Variants in ATRX observed in about 807,000 individuals in gnomAD.
The protein encoded by ATRX is ATRX chromatin remodeler, also known as chromatin remodeler ATRX.
A neutral mutation model predicts 172.6 loss-of-function variants in ATRX; 12 were observed. That is an observed-to-expected ratio of 0.07 (90% CI 0.04 to 0.11). The LOEUF is 0.11. Ranked by LOEUF, ATRX falls within the 10% of genes least tolerant of loss-of-function variation. ATRX has a pLI of 1.00. For synonymous variants in ATRX, 674 were observed against 594.7 expected (o/e 1.13, Z -1.94); for missense variants, 1,368 against 1,767.4 (o/e 0.77, Z 4.05).
chrX:77,704,491 C>A (rs1557155781), intron 2 of ATRX, among the ~76,000 whole-genome samples: 1 of 111,976 alleles, frequency 8.9e-6, no homozygotes, highest in African/African-American at 3.2e-5. Flanking sequence ...CTTTCCCTGG[C>A]CTGAAGGTGG....
chrX:77,680,769 T>G (rs2071142369), intron 9 of ATRX, among the ~76,000 whole-genome samples: 1 of 111,488 alleles, frequency 9.0e-6, no homozygotes, highest in Non-Finnish European at 1.9e-5. Context: ...AAATGACCAA[T>G]ACACATTTAT....
intron 32 of ATRX, chrX:77,522,029 A>G: frequency 2.7e-6 from 1 of 369,860 alleles, no homozygotes; most frequent in Non-Finnish European, 4.7e-6. Flanking sequence ...TTTCTTAATT[A>G]AAATAATTCA....
chrX:77,708,402 T>C (rs934268125), intron 2 of ATRX, among the ~76,000 whole-genome samples: 1 of 112,505 alleles, frequency 8.9e-6, no homozygotes, highest in Non-Finnish European at 1.9e-5. Flanking sequence ...GGCTCACGCC[T>C]GCAATCCCAG....
intron 25 of ATRX, chrX:77,596,705 G>A (rs1273010708): frequency 9.0e-6 from 1 of 110,605 alleles, no homozygotes; most frequent in Non-Finnish European, 1.9e-5. Context: ...TATGGCATAT[G>A]TAAAAAACGT....
At chrX:77,616,821 CATAA>C (rs782641530) in intron 21 of ATRX, 91 bp from the exon 22 acceptor site, 17 of 641,500 alleles carry the variant, frequency 2.7e-5, no homozygotes, top group South Asian at 2.4e-4. Context: ...GAAATATACA[CATAA>C]ATAAATAGGC....
rs45477297 is a variant in ATRX, at chrX:77,589,530, C to CT, written c.6217+303dup. Among the ~76,000 whole-genome samples, 9 of 111,690 alleles carry CT rather than the reference C, an allele frequency of 8.1e-5. No individual in the cohort carries two copies. In the Admixed American group the frequency reaches 8.6e-4, roughly 11 times the overall value. ...TTTTCTTAAGTTGATATTAGCTGCT[C>CT]TTGTCACCAAAAAAAACTATGTGAG... On this transcript the variant is annotated intron_variant, in intron 27 of 34. Coordinates refer to ENST00000373344, the MANE Select transcript of ATRX (RefSeq NM_000489.6).
At chrX:77,598,547 C>T (rs2066551689) in intron 25 of ATRX, among the ~76,000 whole-genome samples, 1 of 111,971 alleles carries the variant, frequency 8.9e-6, no homozygotes, top group Admixed American at 9.5e-5. Context: ...AGGTGGCCCC[C>T]ACAACTCTCT....
chrX:77,645,229 T>G (rs945118542), intron 15 of ATRX, among the ~76,000 whole-genome samples: 11 of 111,708 alleles, frequency 9.8e-5, no homozygotes, highest in African/African-American at 3.6e-4. Context: ...TACTGTATCC[T>G]CGAACCCCTG....
At chrX:77,549,702 T>A (rs1445635444) in intron 30 of ATRX, among the ~76,000 whole-genome samples, 3 of 112,352 alleles carry the variant, frequency 2.7e-5, no homozygotes, top group Non-Finnish European at 5.6e-5. Flanking sequence ...GCACAGATAC[T>A]TGGTAGAGAT....
chrX:77,627,055 T>G (rs782796531), intron 19 of ATRX, among the ~76,000 whole-genome samples: 205 of 110,321 alleles, frequency 1.9e-3, no homozygotes, highest in African/African-American at 6.6e-3. Context: ...GAAACCCCGT[T>G]TCCACTAAAA....
chrX:77,525,713 G>A (rs181997127), intron 30 of ATRX, among the ~76,000 whole-genome samples: 183 of 111,971 alleles, frequency 1.6e-3, no homozygotes, highest in Non-Finnish European at 2.8e-3. Context: ...ACTTAGTCTA[G>A]CTATGACTGT....
rs571313578 is a variant in ATRX, at chrX:77,683,173, C to G, written c.2083G>C (p.Val695Leu). 3.3e-6 allele frequency: 4 copies of G among 1,208,943 alleles called. No homozygotes were observed. The highest frequency in any genetic ancestry group is 3.5e-5 in the South Asian group (2 of 56,971). ...GAATTACGCTTATCCTTTTTTCTCA[C>G]TGGAACTGATAGTTTTTGTTTCTCC... ...VKEKQKLSVP[V>L]RKKDKRNSSD... The change falls in exon 9 of 35, where the codon GTG becomes CTG. Residue 695 changes from valine to leucine, a missense_variant. Around this residue, in one of 17 missense-constraint regions of ATRX, gnomAD observed 843 missense variants for 643.1 expected, o/e 1.31. Coordinates refer to ENST00000373344, the MANE Select transcript of ATRX (RefSeq NM_000489.6).
At chrX:77,575,726 T>TA (rs1481116820) in intron 27 of ATRX, 1 of 111,798 alleles carries the variant, frequency 8.9e-6, no homozygotes, top group African/African-American at 3.2e-5. Context: ...GGCAAGTAAT[T>TA]AAACTCCTTG....
At chrX:77,629,608 G>A (rs782027466) in intron 19 of ATRX, among the ~76,000 whole-genome samples, 7 of 111,896 alleles carry the variant, frequency 6.3e-5, no homozygotes, top group Admixed American at 2.8e-4. Flanking sequence ...AAACCTAATG[G>A]AGAAACCAGC....
At chrX:77,511,785 A>T (rs917144888) in intron 34 of ATRX, among the ~76,000 whole-genome samples, 2 of 111,655 alleles carry the variant, frequency 1.8e-5, no homozygotes, top group Non-Finnish European at 3.8e-5. Context: ...AGACAAAAGA[A>T]AAAAGAACAA....
At chrX:77,774,444 G>A (rs974263476) in intron 1 of ATRX, among the ~76,000 whole-genome samples, 5 of 111,333 alleles carry the variant, frequency 4.5e-5, no homozygotes, top group Non-Finnish European at 5.7e-5. Context: ...TTGGGAGGCC[G>A]AGGCAGGCGG....
At chrX:77,728,473 T>C (rs189334960) in intron 1 of ATRX, among the ~76,000 whole-genome samples, 1 of 111,932 alleles carries the variant, frequency 8.9e-6, no homozygotes, top group Non-Finnish European at 1.9e-5. Flanking sequence ...ATAGAAACTT[T>C]TGAAATAGTA....
Position 77,628,953 on chromosome X carries a change from G to A in ATRX, c.5134+4254C>T, listed in dbSNP as rs782388510. ...TACTAAGGCTTGGGATAATTGTTAC[G>A]CAGGAAGAGATAACCAGAGCAGCTA... On this transcript the variant is annotated intron_variant, in intron 19 of 34. Coordinates refer to ENST00000373344, the MANE Select transcript of ATRX (RefSeq NM_000489.6). 5.4e-5 allele frequency among the ~76,000 whole-genome samples: 6 copies of A among 112,006 alleles called. No individual in the cohort carries two copies. The South Asian group carries it at 1.9e-3, about 35-fold the overall frequency.
chrX:77,608,990 G>A (rs1557092457), intron 22 of ATRX, among the ~76,000 whole-genome samples: 2 of 111,978 alleles, frequency 1.8e-5, no homozygotes, highest in Non-Finnish European at 3.8e-5. Flanking sequence ...ATAAGAAAAG[G>A]TACTCAACAT....
Sources: allele counts gnomAD v4.1 joint callset (sites outside exome capture counted in the v4.1 genomes callset), GRCh38; gene constraint gnomAD v4.1.1; regional missense constraint gnomAD v4.1.1; transcripts MANE v1.5; gene names NCBI Gene and HGNC (gene_info 2026-07-23, HGNC 2026-07-21).